The following CEMIP variants were observed in gnomAD, a reference collection of about 807,000 sequenced individuals.
CEMIP encodes cell migration inducing hyaluronidase 1, also known as cell migration-inducing and hyaluronan-binding protein.
A neutral mutation model predicts 156.9 loss-of-function variants in CEMIP; 105 were observed. The observed-to-expected ratio is 0.67, with a 90% CI of 0.57 to 0.79. CEMIP has a LOEUF of 0.79. Among genes scored for constraint, CEMIP ranks in the 30% least tolerant of loss-of-function variants. The pLI is 0.00. For synonymous variants in CEMIP, 676 were observed against 668.4 expected (o/e 1.01, Z -0.17); for missense variants, 1,457 against 1,769.4 (o/e 0.82, Z 3.17).
Position 80,922,106 on chromosome 15 carries a change from T to G in CEMIP, c.2171T>G (p.Phe724Cys). The part of the protein sequence containing the change: ...GYSEHIPLGK[F>C]YNNRAHSNYR... ...TCAGAGCACATTCCACTGGGAAAAT[T>G]CTATAACAACCGAGCACATTCCAAC... The change falls in exon 17 of 30, where the codon TTC (phenylalanine) becomes TGC (cysteine). Residue 724 changes from phenylalanine to cysteine, a missense_variant. By Grantham distance (205) the Phe-to-Cys change is radical. Around this residue, in one of 5 missense-constraint regions of CEMIP, gnomAD observed 798 missense variants for 980.1 expected, o/e 0.81. Transcript: ENST00000394685. 3 of 1,614,236 alleles carry G rather than the reference T, an allele frequency of 1.9e-6. No homozygotes were observed. Among genetic ancestry groups the G allele is most frequent in the Non-Finnish European group, 2.5e-6 (3 of 1,180,020 alleles).
chr15:80,902,976 G>C (rs1899635418), intron 12 of CEMIP: 1 of 152,178 alleles, frequency 6.6e-6, no homozygotes, highest in African/African-American at 2.4e-5. Flanking sequence ...TTTTATAGAT[G>C]AAGAGCCTGA....
chr15:80,813,350 ATTT>A (rs34253400), intron 1 of CEMIP, among the ~76,000 whole-genome samples: 98 of 129,396 alleles, frequency 7.6e-4, no homozygotes, highest in African/African-American at 1.6e-3. Context: ...AGCAGTACGG[ATTT>A]TTTTTTTTTT....
chr15:80,818,739 G>T (rs2141647433), intron 1 of CEMIP, among the ~76,000 whole-genome samples: 1 of 152,350 alleles, frequency 6.6e-6, no homozygotes, highest in South Asian at 2.1e-4. Context: ...GCTTCTGGGA[G>T]ATTTGTGTAA....
At chr15:80,816,481 T>G (rs899586522) in intron 1 of CEMIP, among the ~76,000 whole-genome samples, 1 of 152,138 alleles carries the variant, frequency 6.6e-6, no homozygotes, top group Non-Finnish European at 1.5e-5. Context: ...CTTGCCTCAT[T>G]TCTGCACCAC....
chr15:80,783,009 C>CT (rs1461234741), intron 1 of CEMIP, among the ~76,000 whole-genome samples: 1 of 152,192 alleles, frequency 6.6e-6, no homozygotes, highest in Non-Finnish European at 1.5e-5. Context: ...TTCATCAGTC[C>CT]TGTGGCATTC....
intron 12 of CEMIP, among the ~76,000 whole-genome samples, chr15:80,897,867 A>G (rs1659217156): frequency 6.6e-6 from 1 of 152,242 alleles, no homozygotes; most frequent in Non-Finnish European, 1.5e-5. Context: ...CAAAGAAAGA[A>G]ACCTCACAAA....
intron 28 of CEMIP, among the ~76,000 whole-genome samples, chr15:80,944,139 G>C (rs188247157): frequency 6.6e-6 from 1 of 152,144 alleles, no homozygotes; most frequent in Non-Finnish European, 1.5e-5. Flanking sequence ...AATTAGCTGG[G>C]TGTGGTGGTG....
intron 1 of CEMIP, among the ~76,000 whole-genome samples, chr15:80,836,402 G>A: frequency 6.6e-6 from 1 of 152,256 alleles, no homozygotes; most frequent in South Asian, 2.1e-4. Context: ...CCAGTGTCTG[G>A]CATCCCTGCG....
At chr15:80,940,370 T>TAAGTTTTGTGA (rs965859666) in intron 25 of CEMIP, among the ~76,000 whole-genome samples, 1 of 152,236 alleles carries the variant, frequency 6.6e-6, no homozygotes. Flanking sequence ...TGAATACTGT[T>TAAGTTTTGTGA]AAGTTTTGTG....
chr15:80,905,384 C>G lies in CEMIP; in HGVS notation c.1412-1279C>G, dbSNP rs186054839. ...AACGAATTTAGAGCCCGCCTAAGAT[C>G]TCTTTATTCCATAAAAGAGTGTGGG... On this transcript the variant is annotated intron_variant, in intron 12 of 29. Transcript: ENST00000394685. Among the ~76,000 whole-genome samples the G allele has an allele frequency of 8.8e-4, 134 of 152,328 alleles. No homozygotes were observed. In the Middle Eastern group the frequency reaches 0.017, roughly 19 times the overall value.
intron 1 of CEMIP, among the ~76,000 whole-genome samples, chr15:80,797,760 C>T (rs1206620818): frequency 6.6e-6 from 1 of 152,220 alleles, no homozygotes; most frequent in African/African-American, 2.4e-5. Context: ...CACACACCCA[C>T]GGTGGACCTG....
At position 80,827,660 on chromosome 15, in the gene CEMIP, C is replaced by G. The variant is rs929318139; in HGVS notation, c.-175-45878C>G. ...AACAAAAAACTTCCCCCAGGAAAAT[C>G]CATTGCAAACCACCAAACAGATTAT... On this transcript the variant is annotated intron_variant, in intron 1 of 29. Transcript: ENST00000394685. Among the ~76,000 whole-genome samples the G allele has an allele frequency of 1.3e-5, 2 of 152,258 alleles. 1 individual carries two copies. The highest frequency in any genetic ancestry group is 1.3e-4 in the Admixed American group (2 of 15,280).
Position 80,826,781 on chromosome 15 carries a change from A to C in CEMIP, c.-175-46757A>C, listed in dbSNP as rs141168907. ...CCTTTAACTGTGGCATTCATGCTTC[A>C]GTGTGCCCTCCAGTTGGCCACAGTC... is the stretch of plus-strand genomic sequence containing the variant. On this transcript the variant is annotated intron_variant, in intron 1 of 29. Coordinates refer to ENST00000394685, the MANE Select transcript of CEMIP (RefSeq NM_001293298.2). Among the ~76,000 whole-genome samples the C allele has an allele frequency of 4.3e-3, 651 of 152,308 alleles. 2 individuals are homozygous for C. The highest frequency in any genetic ancestry group is 0.015 in the African/African-American group (640 of 41,568).
At chr15:80,833,351 G>C (rs925167938) in intron 1 of CEMIP, among the ~76,000 whole-genome samples, 10 of 151,720 alleles carry the variant, frequency 6.6e-5, no homozygotes, top group Non-Finnish European at 1.5e-4. Flanking sequence ...ATTTCAGCTT[G>C]GGTCTGCCAC....
chr15:80,803,054 G>A (rs7169588), intron 1 of CEMIP, among the ~76,000 whole-genome samples: 8,728 of 152,198 alleles, frequency 0.057, 309 homozygotes, highest in Middle Eastern at 0.12. Context: ...GCTCTGGAGG[G>A]CTCCTAAACA....
At chr15:80,946,018 C>T (rs542211017) in intron 28 of CEMIP, among the ~76,000 whole-genome samples, 1 of 152,346 alleles carries the variant, frequency 6.6e-6, no homozygotes, top group East Asian at 1.9e-4. Context: ...CTCTGAGATA[C>T]TTGGTAACTA....
chr15:80,787,365 G>T (rs999930780), intron 1 of CEMIP, among the ~76,000 whole-genome samples: 3 of 152,216 alleles, frequency 2.0e-5, no homozygotes, highest in Admixed American at 2.0e-4. Context: ...CAGAGGGAAG[G>T]GGCCCCCTGG....
rs531895011 is a variant in CEMIP at position 80,826,558 on chromosome 15, A to G, written c.-176+46944A>G. 1.1e-3 allele frequency among the ~76,000 whole-genome samples: 166 copies of G among 152,352 alleles called. No individual in the cohort carries two copies. The Middle Eastern group carries it at 0.014, about 12-fold the overall frequency. On this transcript the variant is annotated intron_variant, in intron 1 of 29. Coordinates refer to ENST00000394685, the MANE Select transcript of CEMIP (RefSeq NM_001293298.2). Reference sequence around the variant, plus strand: ...ATCAGAGCGAGTCTTGCAGAGAACTAAGACCTGAACTTGAGCTATAGTCTC... The same window carrying G: ...ATCAGAGCGAGTCTTGCAGAGAACTGAGACCTGAACTTGAGCTATAGTCTC...
chr15:80,808,187 G>T (rs1180862245), intron 1 of CEMIP, among the ~76,000 whole-genome samples: 1 of 152,182 alleles, frequency 6.6e-6, no homozygotes, highest in Non-Finnish European at 1.5e-5. Context: ...AGTCATCCAA[G>T]ATCACCATGG....
Sources: gnomAD v4.1 joint callset for allele counts (sites outside exome capture counted in the v4.1 genomes callset) on GRCh38, gnomAD v4.1.1 for gene constraint, gnomAD v4.1.1 regional missense constraint, MANE v1.5 for transcripts, NCBI Gene and HGNC (gene_info 2026-07-23, HGNC 2026-07-21) for gene names.